PINLYP: variants seen among roughly 807,000 people sequenced by gnomAD.
PINLYP encodes the protein phospholipase A2 inhibitor and LY6/PLAUR domain containing, also known as phospholipase A2 inhibitor and Ly6/PLAUR domain-containing protein.
PINLYP carries 12 observed loss-of-function variants against 15.8 expected under a neutral mutation model. The ratio of observed to expected loss-of-function variants is 0.76; its 90% CI spans 0.49 to 1.23. The LOEUF is 1.23. Ranked by LOEUF, PINLYP falls within the 50% of genes most tolerant of loss-of-function variation. PINLYP has a pLI of 0.00. For synonymous variants in PINLYP, 93 were observed against 97.7 expected (o/e 0.95, Z 0.28); for missense variants, 278 against 264.2 (o/e 1.05, Z -0.36).
chr19:43,576,948 G>C lies in PINLYP; in HGVS notation c.-78+29G>C, dbSNP rs552085211. On this transcript the variant is annotated intron_variant, in intron 1 of 5. Transcript: ENST00000599207. ...AGAAAACAGGGTGGTGACTTTCTGGGTTCTAATAGAAGAGGGGGATGGAAG... is the reference window on the plus strand; with the variant it reads ...AGAAAACAGGGTGGTGACTTTCTGGCTTCTAATAGAAGAGGGGGATGGAAG... 5.2e-4 allele frequency: 292 copies of C among 563,848 alleles called. 5 individuals carry two copies. The South Asian group carries it at 7.4e-3, about 14-fold the overall frequency. 34.9% of individuals were successfully genotyped at this position (563,848 alleles called of 1,614,324 possible).
chr19:43,576,367 G>A (rs1972863307), exon 1 of PINLYP, among the ~76,000 whole-genome samples: 1 of 151,536 alleles, frequency 6.6e-6, no homozygotes, highest in Non-Finnish European at 1.5e-5. Context: ...ACATACGCGC[G>A]CGCGCACGCG....
intron 3 of PINLYP, 43 bp from the exon 4 acceptor site, chr19:43,581,169 G>T: frequency 6.6e-7 from 1 of 1,525,332 alleles, no homozygotes; most frequent in Non-Finnish European, 8.8e-7. Flanking sequence ...TGAAGCCAGG[G>T]AGTGGTCAGC....
At chr19:43,580,759 C>A in intron 3 of PINLYP, 1 of 893,162 alleles carries the variant, frequency 1.1e-6, no homozygotes, top group South Asian at 5.0e-5. Flanking sequence ...GCACTCCAGG[C>A]CATGCACCAG....
rs3213240 is a variant in PINLYP at position 43,576,798 on chromosome 19, G to A, written c.-199G>A. On this transcript the variant is annotated 5_prime_UTR_variant, in exon 1 of 6. The change creates a premature stop within an existing upstream ORF in the 5' untranslated region. Coordinates refer to ENST00000599207, the Ensembl canonical transcript of PINLYP. ...CCTACCCACACTGGGTGCTTCCTTG[G>A]GAGGAGAGGGGAAGAGAGAGAAGGA... The A allele has an allele frequency of 3.5e-3, 751 of 215,564 alleles. 4 individuals are homozygous for A. The highest frequency in any genetic ancestry group is 0.017 in the African/African-American group (719 of 43,494). The allele number at this position is 215,564 out of a possible 1,614,324, so 13.4% of individuals were successfully genotyped here.
intron 2 of PINLYP, 116 bp from the exon 3 acceptor site, chr19:43,578,474 A>G: frequency 2.9e-6 from 2 of 697,854 alleles, no homozygotes; most frequent in Non-Finnish European, 2.4e-6. Flanking sequence ...CCGCCCATGA[A>G]AAACCAGGGA....
At chr19:43,578,947 T>C (rs1972898529) in intron 3 of PINLYP, 5 of 417,012 alleles carry the variant, frequency 1.2e-5, no homozygotes, top group South Asian at 4.5e-5. Context: ...AGAAGGAAAA[T>C]GTGGGAGGGG....
At chr19:43,577,985 G>A (rs1289622138) in intron 2 of PINLYP, among the ~76,000 whole-genome samples, 1 of 152,078 alleles carries the variant, frequency 6.6e-6, no homozygotes, top group East Asian at 1.9e-4. Flanking sequence ...AGACTAAGAA[G>A]TTCAGGCCCC....
At position 43,576,362 on chromosome 19, in the gene PINLYP, C is replaced by A. The variant is rs947542214; in HGVS notation, c.-635C>A. On this transcript the variant is annotated 5_prime_UTR_variant, in exon 1 of 6. The change creates a premature stop within an existing upstream ORF in the 5' untranslated region. Transcript: ENST00000599207. Reference sequence around the variant, plus strand: ...ACACACACGCACATATACATACATACGCGCGCGCGCACGCGCGAAAAAAAT... The same window carrying A: ...ACACACACGCACATATACATACATAAGCGCGCGCGCACGCGCGAAAAAAAT... Among the ~76,000 whole-genome samples, 1 of 151,840 alleles carries A rather than the reference C, an allele frequency of 6.6e-6. No homozygotes were observed. The highest frequency in any genetic ancestry group is 1.5e-5 in the Non-Finnish European group (1 of 67,944).
chr19:43,575,655 G>A, upstream of PINLYP: 1 of 465,096 alleles, frequency 2.2e-6, no homozygotes, highest in Admixed American at 3.9e-5. Flanking sequence ...CTCCAGAGCG[G>A]GAAGAGCGCT....
chr19:43,575,527 T>A (rs1350080696), upstream of PINLYP: 3 of 1,480,386 alleles, frequency 2.0e-6, no homozygotes, highest in African/African-American at 2.8e-5. Flanking sequence ...GCAGGGAGAG[T>A]GGGAGGGGGC....
chr19:43,577,492 G>A (rs1400635763), intron 2 of PINLYP, among the ~76,000 whole-genome samples: 7 of 151,910 alleles, frequency 4.6e-5, no homozygotes, highest in Non-Finnish European at 1.0e-4. Flanking sequence ...AGAGGGGCTT[G>A]GTGGGCTCTG....
chr19:43,578,504 T>G lies in PINLYP; in HGVS notation c.71-86T>G, dbSNP rs191903473. 122 of 947,240 alleles carry G rather than the reference T, an allele frequency of 1.3e-4. No homozygotes were observed. In the East Asian group the frequency reaches 2.7e-3, roughly 21 times the overall value. 58.7% of individuals were successfully genotyped at this position (947,240 alleles called of 1,614,324 possible). A position where few individuals can be genotyped will look rare whatever the true frequency, so the allele number is the denominator to read the frequency against. On this transcript the variant is annotated intron_variant, in intron 2 of 5. Transcript: ENST00000599207. ...CAGGGAGCTGCTGGTCCCTCCTCTC[T>G]CAGGACACAAAAGTCCTAAGTCAAA...
Position 43,581,382 on chromosome 19 carries a change from T to TG in PINLYP, c.340+19dup. On this transcript the variant is annotated intron_variant, in intron 4 of 5. Transcript: ENST00000599207. ...TTTGTCTGGTAAGAAGCCCGTGGTGTGTGGTGTGTGCTCTGGCTCTCCACT... is the reference window on the plus strand; with the variant it reads ...TTTGTCTGGTAAGAAGCCCGTGGTGTGGTGGTGTGTGCTCTGGCTCTCCACT... 6.5e-7 allele frequency: 1 copy of TG among 1,536,398 alleles called. No homozygotes were observed. The highest frequency in any genetic ancestry group is 1.4e-5 in the African/African-American group (1 of 73,176).
At chr19:43,581,272 G>T in exon 4 of PINLYP, 1 of 1,537,180 alleles carries the variant, frequency 6.5e-7, no homozygotes, top group Non-Finnish European at 8.7e-7. Context: ...TGCTACTCCG[G>T]CGTTATATCC....
At chr19:43,578,286 G>C (rs955227431) in intron 2 of PINLYP, among the ~76,000 whole-genome samples, 2 of 152,084 alleles carry the variant, frequency 1.3e-5, no homozygotes, top group African/African-American at 4.8e-5. Flanking sequence ...CCTCCATCAC[G>C]ACCCCTCCCT....
At chr19:43,581,959 T>C in exon 6 of PINLYP, 2 of 1,536,444 alleles carry the variant, frequency 1.3e-6, no homozygotes, top group South Asian at 2.4e-5. Flanking sequence ...CAGGCACCAA[T>C]GTCCTCTTCC....
At chr19:43,578,603 C>T (rs1024786196) in exon 3 of PINLYP, 1 of 1,535,752 alleles carries the variant, frequency 6.5e-7, no homozygotes, top group African/African-American at 1.4e-5. Flanking sequence ...GCCCACTACA[C>T]TGCGAAATAT....
At chr19:43,581,685 T>G in exon 5 of PINLYP, 3 of 1,536,338 alleles carry the variant, frequency 2.0e-6, no homozygotes, top group Non-Finnish European at 2.6e-6. Flanking sequence ...CGTCTCCTTA[T>G]CTGGACACGT....
exon 5 of PINLYP, chr19:43,581,692 A>G: frequency 6.5e-7 from 1 of 1,536,374 alleles, no homozygotes; most frequent in Non-Finnish European, 8.7e-7. Flanking sequence ...TTATCTGGAC[A>G]CGTGCAGGCT....
Sources: gnomAD v4.1 joint callset for allele counts (sites outside exome capture counted in the v4.1 genomes callset) on GRCh38, gnomAD v4.1.1 for gene constraint, MANE v1.5 for transcripts, NCBI Gene and HGNC (gene_info 2026-07-23, HGNC 2026-07-21) for gene names.